FN1: variants seen among roughly 807,000 people sequenced by gnomAD.
FN1 encodes the protein fibronectin.
A neutral mutation model predicts 297.3 loss-of-function variants in FN1; 106 were observed. The ratio of observed to expected loss-of-function variants is 0.36; its 90% CI spans 0.30 to 0.42. FN1 has a LOEUF of 0.42. FN1 is among the 10% of genes least tolerant of loss of function. The probability of loss-of-function intolerance (pLI) is 1.00; values close to 1 mark genes in which losing one functional copy is unlikely to be tolerated. For synonymous variants in FN1, 1,149 were observed against 1,152.6 expected (o/e 1.00, Z 0.06); for missense variants, 2,690 against 3,124.9 (o/e 0.86, Z 3.32).
chr2:215,374,070 A>ATTT (rs2056804028), intron 38 of FN1, among the ~76,000 whole-genome samples: 1 of 152,144 alleles, frequency 6.6e-6, no homozygotes, highest in African/African-American at 2.4e-5. Context: ...TGGAATATAA[A>ATTT]TTTGAAAGAG....
At chr2:215,389,582 G>C (rs992718464) in intron 26 of FN1, among the ~76,000 whole-genome samples, 4 of 152,064 alleles carry the variant, frequency 2.6e-5, no homozygotes, top group Admixed American at 2.0e-4. Flanking sequence ...GAGGTCAGGA[G>C]TTTGAAACCA....
rs1429710907 is a variant in FN1, at chr2:215,435,824, C to A, written c.-22G>T. ...GCATGTTGAGACGGTGGGGGAGAGA[C>A]GCCCGCACCGGGAGGCAAGTTGCCA... On this transcript the variant is annotated 5_prime_UTR_variant, in exon 1 of 46. Coordinates refer to ENST00000354785, the MANE Select transcript of FN1 (RefSeq NM_212482.4). The A allele has an allele frequency of 6.6e-6, 10 of 1,524,292 alleles. No individual in the cohort carries two copies. The highest frequency in any genetic ancestry group is 7.9e-6 in the Non-Finnish European group (9 of 1,137,576). The allele number at this position is 1,524,292 out of a possible 1,614,324, so 94.4% of individuals were successfully genotyped here.
Position 215,379,203 on chromosome 2 carries a change from T to C in FN1, c.5549A>G (p.Lys1850Arg), listed in dbSNP as rs1177548741. ...LTGYRVRVTPKEKTGPMKEIN... is the reference protein window; with the variant it reads ...LTGYRVRVTPREKTGPMKEIN... ...TTCTTTCATTGGTCCGGTCTTCTCC[T>C]TGGGGGTCACCCGCACTCGATATCC... Residue 1850 changes from lysine (K) to arginine (R), a missense_variant, in exon 34 of 46, where the codon AAG becomes AGG. Transcript: ENST00000354785. 1.9e-6 allele frequency: 3 copies of C among 1,613,958 alleles called. No homozygotes were observed. Among genetic ancestry groups the C allele is most frequent in the South Asian group, 1.1e-5 (1 of 91,078 alleles).
chr2:215,407,528 C>G (rs1206788474), intron 17 of FN1, among the ~76,000 whole-genome samples: 2 of 152,114 alleles, frequency 1.3e-5, no homozygotes, highest in South Asian at 4.1e-4. Context: ...TCATGCGAAC[C>G]TTTTTAATAA....
intron 20 of FN1, among the ~76,000 whole-genome samples, chr2:215,401,493 A>C (rs1279537987): frequency 1.3e-5 from 2 of 152,210 alleles, no homozygotes; most frequent in African/African-American, 4.8e-5. Flanking sequence ...CAAGGGTATC[A>C]AGTGTGTTCA....
At chr2:215,372,562 G>A in intron 39 of FN1, 187 bp from the exon 40 acceptor site, 1 of 634,826 alleles carries the variant, frequency 1.6e-6, no homozygotes, top group South Asian at 1.8e-5. Flanking sequence ...TTTCTCAAAG[G>A]TTTCTTTATA....
At chr2:215,405,103 G>T (rs1370988797) in intron 19 of FN1, among the ~76,000 whole-genome samples, 4 of 152,172 alleles carry the variant, frequency 2.6e-5, no homozygotes, top group Non-Finnish European at 5.9e-5. Context: ...ATAGCCCTTT[G>T]CTAGAGAAAT....
intron 36 of FN1, 46 bp from the exon 37 acceptor site, chr2:215,375,764 T>C (rs533195706): frequency 7.8e-7 from 1 of 1,280,096 alleles, no homozygotes; most frequent in East Asian, 2.3e-5. Context: ...TGCTTTTTAC[T>C]AGGAGAATTC....
At chr2:215,394,256 A>G (rs2060045100) in intron 24 of FN1, among the ~76,000 whole-genome samples, 1 of 152,220 alleles carries the variant, frequency 6.6e-6, no homozygotes, top group African/African-American at 2.4e-5. Context: ...CCATGTGAGC[A>G]GACAATACAG....
chr2:215,374,116 C>G (rs545096550), intron 38 of FN1, among the ~76,000 whole-genome samples: 1 of 152,222 alleles, frequency 6.6e-6, no homozygotes, highest in Non-Finnish European at 1.5e-5. Flanking sequence ...CTACTTAGGC[C>G]TAATAACCAA....
At chr2:215,390,371 G>T (rs1274022350) in intron 26 of FN1, among the ~76,000 whole-genome samples, 1 of 152,088 alleles carries the variant, frequency 6.6e-6, no homozygotes, top group African/African-American at 2.4e-5. Flanking sequence ...TTTTTGTAGA[G>T]ACTTGGTCTC....
chr2:215,420,751 T>A lies in FN1; in HGVS notation c.1597A>T (p.Lys533Ter). 1 of 1,614,124 alleles carries A rather than the reference T, an allele frequency of 6.2e-7. No individual in the cohort carries two copies. The highest frequency in any genetic ancestry group is 8.5e-7 in the Non-Finnish European group (1 of 1,179,954). ...AGCATGTGCCCCTCTTCATGACGCT[T>A]GTGGAATGTGTCGTTCACATTGTAA... ...ITYNVNDTFH[K>*]RHEEGHMLNC... Residue 533 changes from lysine to a stop codon, truncating the protein, a stop_gained, in exon 11 of 46, where the codon AAG becomes TAG. Coordinates refer to ENST00000354785, the MANE Select transcript of FN1 (RefSeq NM_212482.4). LOFTEE classifies it high-confidence loss of function.
At chr2:215,410,163 G>A (rs55950101) in intron 13 of FN1, 49 bp from the exon 14 acceptor site, 1 of 1,511,530 alleles carries the variant, frequency 6.6e-7, no homozygotes, top group Non-Finnish European at 9.0e-7. Flanking sequence ...GTGTTTACAA[G>A]GATGAACATT....
rs373738266 is a variant in FN1 at position 215,393,193 on chromosome 2, T to C, written c.3807A>G (p.Gln1269=). The stretch of plus-strand genomic sequence containing the variant: ...TATCAACAAAGCTTAGGTCAGTGAG[T>C]TGGGGCACCTCTATTGAGTTACAAA... The part of the protein sequence containing the change: ...ISDTIIPEVP[Q]LTDLSFVDIT... The change falls in exon 25 of 46, where the codon CAA becomes CAG. Residue 1269 remains glutamine, a synonymous_variant. Coordinates refer to ENST00000354785, the MANE Select transcript of FN1 (RefSeq NM_212482.4). The C allele has an allele frequency of 1.7e-5, 28 of 1,613,228 alleles. No homozygotes were observed. Among genetic ancestry groups the C allele is most frequent in the Non-Finnish European group, 2.3e-5 (27 of 1,179,814 alleles).
chr2:215,432,904 C>T (rs1191553054), intron 3 of FN1, among the ~76,000 whole-genome samples: 2 of 152,054 alleles, frequency 1.3e-5, no homozygotes, highest in African/African-American at 4.8e-5. Flanking sequence ...ACATGAAGAC[C>T]AGACAACACA....
At chr2:215,378,907 G>A (rs2057772090) in intron 34 of FN1, among the ~76,000 whole-genome samples, 3 of 152,130 alleles carry the variant, frequency 2.0e-5, no homozygotes, top group Non-Finnish European at 4.4e-5. Context: ...ATCTAAAAGA[G>A]CTGCACAAAA....
Position 215,408,312 on chromosome 2 carries a change from G to A in FN1, c.2414C>T (p.Thr805Ile), listed in dbSNP as rs1166015527. The A allele has an allele frequency of 6.2e-7, 1 of 1,614,166 alleles. No homozygotes were observed. The highest frequency in any genetic ancestry group is 8.5e-7 in the Non-Finnish European group (1 of 1,180,016). ...CACACATGTACCTGTTGTTTGTGAA[G>A]TAGACAGGATCAAACTCTGCTCCCC... ...EDGEQSLILS[T>I]SQTTAPDAPP... Residue 805 changes from threonine to isoleucine, a missense_variant, in exon 16 of 46, where the codon ACT becomes ATT. Around this residue, in one of 3 missense-constraint regions of FN1, gnomAD observed 876 missense variants for 1,058.1 expected, o/e 0.83. Coordinates refer to ENST00000354785, the MANE Select transcript of FN1 (RefSeq NM_212482.4).
Position 215,419,262 on chromosome 2 carries a change from T to G in FN1, c.1799A>C (p.Gln600Pro), listed in dbSNP as rs768879733. ...CTTACTTGGATAGGTCTGTAAAGGT[T>G]GGCAATGCCACTCCCCAATGCCACG... ...YGRGIGEWHC[Q>P]PLQTYPSSSG... Residue 600 changes from glutamine (Q) to proline (P), a missense_variant, in exon 12 of 46, where the codon CAA (glutamine) becomes CCA (proline). Gln to Pro is a moderately conservative substitution (Grantham distance 76). Transcript: ENST00000354785. 6.2e-7 allele frequency: 1 copy of G among 1,614,090 alleles called. No homozygotes were observed. Among genetic ancestry groups the G allele is most frequent in the South Asian group, 1.1e-5 (1 of 91,074 alleles).
At chr2:215,410,885 A>AT (rs1274533197) in intron 13 of FN1, among the ~76,000 whole-genome samples, 4 of 152,164 alleles carry the variant, frequency 2.6e-5, no homozygotes, top group African/African-American at 4.8e-5. Context: ...TCTCTCACTT[A>AT]TTTTTTATTC....
Sources: allele counts gnomAD v4.1 joint callset (sites outside exome capture counted in the v4.1 genomes callset), GRCh38; gene constraint gnomAD v4.1.1; regional missense constraint gnomAD v4.1.1; transcripts MANE v1.5; gene names NCBI Gene and HGNC (gene_info 2026-07-23, HGNC 2026-07-21).